Variants in NUDT4B observed in about 807,000 individuals in gnomAD.
NUDT4B encodes the protein nudix hydrolase 4B.
At position 148,752,042 on chromosome 1, in the gene NUDT4B, ATTT is replaced by A. The variant is rs1158870262; in HGVS notation, c.*2560_*2562del. Among the ~76,000 whole-genome samples, 4 of 11,234 alleles carry A rather than the reference ATTT, an allele frequency of 3.6e-4. No homozygotes were observed. Among genetic ancestry groups the A allele is most frequent in the African/African-American group, 1.7e-3 (1 of 576 alleles). The allele number at this position is 11,234 out of a possible 152,430, so 7.4% of individuals were successfully genotyped here. On this transcript the variant is annotated 3_prime_UTR_variant, in exon 1 of 1. Transcript: ENST00000322209. ...CAGAGTGTTGGGACTGTCATTTGTG[ATTT>A]TTTTTTTTTTTTTTTGGTGGGGTAG... is the stretch of plus-strand genomic sequence containing the variant.
At position 148,752,042 on chromosome 1, in the gene NUDT4B, AT is replaced by A. The variant is rs1158870262; in HGVS notation, c.*2562del. 0.077 allele frequency among the ~76,000 whole-genome samples: 865 copies of A among 11,224 alleles called. 36 individuals carry two copies. The highest frequency in any genetic ancestry group is 0.36 in the East Asian group (99 of 276). The allele number at this position is 11,224 out of a possible 152,430, so 7.4% of individuals were successfully genotyped here. A position where few individuals can be genotyped will look rare whatever the true frequency, so the allele number is the denominator to read the frequency against. On this transcript the variant is annotated 3_prime_UTR_variant, in exon 1 of 1. Coordinates refer to ENST00000322209, the MANE Select transcript of NUDT4B (RefSeq NM_001355407.2). ...CAGAGTGTTGGGACTGTCATTTGTG[AT>A]TTTTTTTTTTTTTTTTTGGTGGGGT...
In NUDT4B at chr1:148,751,959, T is replaced by G. The variant is rs1176259313; in HGVS notation, c.*2461T>G. ...CCTAGGGAGATTTATTTCTGTTAAA[T>G]AGTTAACTCTGCTGAGTATGACAAA... On this transcript the variant is annotated 3_prime_UTR_variant, in exon 1 of 1. Coordinates refer to ENST00000322209, the MANE Select transcript of NUDT4B (RefSeq NM_001355407.2). 1.1e-3 allele frequency among the ~76,000 whole-genome samples: 99 copies of G among 93,892 alleles called. No homozygotes were observed. The highest frequency in any genetic ancestry group is 9.6e-3 in the Middle Eastern group (2 of 208). 61.6% of individuals were successfully genotyped at this position (93,892 alleles called of 152,430 possible).
rs1158870262 is a variant in NUDT4B, at chr1:148,752,042, ATT to A, written c.*2561_*2562del. Among the ~76,000 whole-genome samples, 97 of 11,204 alleles carry A rather than the reference ATT, an allele frequency of 8.7e-3. No homozygotes were observed. The highest frequency in any genetic ancestry group is 0.012 in the African/African-American group (7 of 578). The allele number at this position is 11,204 out of a possible 152,430, so 7.4% of individuals were successfully genotyped here. On this transcript the variant is annotated 3_prime_UTR_variant, in exon 1 of 1. Transcript: ENST00000322209. ...CAGAGTGTTGGGACTGTCATTTGTG[ATT>A]TTTTTTTTTTTTTTTTGGTGGGGTA... is the stretch of plus-strand genomic sequence containing the variant.
rs1491117777 is a variant in NUDT4B at position 148,752,043 on chromosome 1, T to TC, written c.*2545_*2546insC. ...AGAGTGTTGGGACTGTCATTTGTGA[T>TC]TTTTTTTTTTTTTTTTTGGTGGGGT... is the stretch of plus-strand genomic sequence containing the variant. On this transcript the variant is annotated 3_prime_UTR_variant, in exon 1 of 1. Coordinates refer to ENST00000322209, the MANE Select transcript of NUDT4B (RefSeq NM_001355407.2). 1.9e-3 allele frequency among the ~76,000 whole-genome samples: 6 copies of TC among 3,192 alleles called. No individual in the cohort carries two copies. Among genetic ancestry groups the TC allele is most frequent in the Non-Finnish European group, 1.9e-3 (4 of 2,088 alleles). 2.1% of individuals were successfully genotyped at this position (3,192 alleles called of 152,430 possible).
chr1:148,752,042 A>AT lies in NUDT4B; in HGVS notation c.*2562dup, dbSNP rs1158870262. Among the ~76,000 whole-genome samples, 31 of 11,216 alleles carry AT rather than the reference A, an allele frequency of 2.8e-3. No individual in the cohort carries two copies. Among genetic ancestry groups the AT allele is most frequent in the East Asian group, 0.022 (6 of 274 alleles). The allele number at this position is 11,216 out of a possible 152,430, so 7.4% of individuals were successfully genotyped here. On this transcript the variant is annotated 3_prime_UTR_variant, in exon 1 of 1. Transcript: ENST00000322209. ...CAGAGTGTTGGGACTGTCATTTGTG[A>AT]TTTTTTTTTTTTTTTTTTGGTGGGG...
rs1473782637 is a variant in NUDT4B, at chr1:148,751,942, G to T, written c.*2444G>T. ...AAAATGAGAGGAAAGGCCCTAGGGA[G>T]ATTTATTTCTGTTAAATAGTTAACT... On this transcript the variant is annotated 3_prime_UTR_variant, in exon 1 of 1. Transcript: ENST00000322209. Among the ~76,000 whole-genome samples, 11 of 90,070 alleles carry T rather than the reference G, an allele frequency of 1.2e-4. No homozygotes were observed. The highest frequency in any genetic ancestry group is 7.9e-4 in the African/African-American group (11 of 13,854). The allele number at this position is 90,070 out of a possible 152,430, so 59.1% of individuals were successfully genotyped here. A position where few individuals can be genotyped will look rare whatever the true frequency, so the allele number is the denominator to read the frequency against.
rs1380196815 is a variant in NUDT4B, at chr1:148,752,017, CAG to C, written c.*2522_*2523del. Among the ~76,000 whole-genome samples, 1 of 71,132 alleles carries C rather than the reference CAG, an allele frequency of 1.4e-5. No individual in the cohort carries two copies. The highest frequency in any genetic ancestry group is 2.4e-5 in the Non-Finnish European group (1 of 41,132). 46.7% of individuals were successfully genotyped at this position (71,132 alleles called of 152,430 possible). The stretch of plus-strand genomic sequence containing the variant: ...TACTATCTCAACCCTCCAAAATTTG[CAG>C]AGTGTTGGGACTGTCATTTGTGATT... On this transcript the variant is annotated 3_prime_UTR_variant, in exon 1 of 1. Coordinates refer to ENST00000322209, the MANE Select transcript of NUDT4B (RefSeq NM_001355407.2).
Sources: allele counts gnomAD v4.1 joint callset (sites outside exome capture counted in the v4.1 genomes callset), GRCh38; gene constraint gnomAD v4.1.1; transcripts MANE v1.5; gene names NCBI Gene and HGNC (gene_info 2026-07-23, HGNC 2026-07-21).